The following EEF2K variants were observed in gnomAD, a reference collection of about 807,000 sequenced individuals.
EEF2K encodes eukaryotic elongation factor 2 kinase, also known as alternative protein EEF2K.
EEF2K carries 70 observed loss-of-function variants against 93.8 expected under a neutral mutation model. That is an observed-to-expected ratio of 0.75 (90% CI 0.62 to 0.91). The LOEUF is 0.91. EEF2K is among the 40% of genes least tolerant of loss of function. The pLI is 0.00. For synonymous variants in EEF2K, 376 were observed against 380.8 expected (o/e 0.99, Z 0.15); for missense variants, 935 against 972.9 (o/e 0.96, Z 0.52).
intron 3 of EEF2K, among the ~76,000 whole-genome samples, chr16:22,247,121 T>C (rs1327207860): frequency 6.7e-6 from 1 of 148,754 alleles, no homozygotes; most frequent in South Asian, 2.1e-4. Context: ...AACCCCTTTT[T>C]CCCAAAGCCA....
intron 2 of EEF2K, among the ~76,000 whole-genome samples, chr16:22,243,247 ATTTTTTT>A (rs568043657): frequency 8.4e-6 from 1 of 118,502 alleles, no homozygotes; most frequent in Non-Finnish European, 1.7e-5. Context: ...GATGCAGCCT[ATTTTTTT>A]TTTTTTTTTT....
Position 22,281,834 on chromosome 16 carries a change from A to G in EEF2K, c.2068+1458A>G, listed in dbSNP as rs572460663. Among the ~76,000 whole-genome samples, 8 of 152,356 alleles carry G rather than the reference A, an allele frequency of 5.3e-5. No homozygotes were observed. In the South Asian group the frequency reaches 1.7e-3, roughly 32 times the overall value. On this transcript the variant is annotated intron_variant, in intron 17 of 17. Coordinates refer to ENST00000263026, the MANE Select transcript of EEF2K (RefSeq NM_013302.5). ...TCATTCCTTCTTATTACTACATAAT[A>G]TTCCATTGTGTGGATATACAGCCTT...
chr16:22,262,244 G>T (rs1203023919), intron 11 of EEF2K, among the ~76,000 whole-genome samples: 1 of 152,150 alleles, frequency 6.6e-6, no homozygotes, highest in Non-Finnish European at 1.5e-5. Flanking sequence ...AGGCACGGTG[G>T]CTCACGCCTG....
chr16:22,226,326 T>C (rs2047062871), intron 2 of EEF2K, among the ~76,000 whole-genome samples: 1 of 69,526 alleles, frequency 1.4e-5, no homozygotes, highest in Non-Finnish European at 2.3e-5. Flanking sequence ...GGTGCTGTTC[T>C]TTTTTTTTTT....
rs755376945 is a variant in EEF2K, at chr16:22,274,443, C to CA, written c.1889+711dup. Among the ~76,000 whole-genome samples the CA allele has an allele frequency of 9.8e-3, 683 of 69,792 alleles. 5 individuals carry two copies. Among genetic ancestry groups the CA allele is most frequent in the African/African-American group, 0.015 (285 of 18,912 alleles). 45.8% of individuals were successfully genotyped at this position (69,792 alleles called of 152,430 possible). Reference sequence around the variant, plus strand: ...TGGGGTACAGAGCAAGATTCCCTCTCAAAAAAAAAAAAAAAAAAGATAAAA... The same window carrying CA: ...TGGGGTACAGAGCAAGATTCCCTCTCAAAAAAAAAAAAAAAAAAAGATAAAA... On this transcript the variant is annotated intron_variant, in intron 16 of 17. Coordinates refer to ENST00000263026, the MANE Select transcript of EEF2K (RefSeq NM_013302.5).
chr16:22,251,353 A>G (rs2047350281), intron 6 of EEF2K, 31 bp downstream of exon 6: 8 of 1,608,482 alleles, frequency 5.0e-6, no homozygotes, highest in Non-Finnish European at 5.9e-6. Context: ...CCCCCTTTCC[A>G]TGCCAGGGCA....
chr16:22,218,733 C>T (rs2046983256), intron 1 of EEF2K, among the ~76,000 whole-genome samples: 1 of 152,044 alleles, frequency 6.6e-6, no homozygotes. Flanking sequence ...TATGCATCCC[C>T]ACTGAGGCTC....
intron 11 of EEF2K, among the ~76,000 whole-genome samples, chr16:22,261,634 G>A (rs2141676829): frequency 6.7e-6 from 1 of 149,032 alleles, no homozygotes; most frequent in South Asian, 2.1e-4. Flanking sequence ...AGGTTGCAGT[G>A]AGCAGAGGTC....
At position 22,225,697 on chromosome 16, in the gene EEF2K, A is replaced by C. The variant is rs1252694790; in HGVS notation, c.-33A>C. ...TGTCCAGTAACTCTGGCTGTGCCGG[A>C]TACTGCTTGGGTAAAACGGGCACCC... On this transcript the variant is annotated 5_prime_UTR_variant, in exon 2 of 18. Transcript: ENST00000263026. The C allele has an allele frequency of 3.7e-6, 6 of 1,608,486 alleles. No homozygotes were observed. The African/African-American group carries it at 4.0e-5, about 11-fold the overall frequency.
At chr16:22,231,652 A>C (rs1326933673) in intron 2 of EEF2K, among the ~76,000 whole-genome samples, 2 of 152,052 alleles carry the variant, frequency 1.3e-5, no homozygotes, top group Non-Finnish European at 2.9e-5. Context: ...ATAACCAGGT[A>C]ACTTCCTCTT....
At chr16:22,213,387 T>TA (rs2046933234) in intron 1 of EEF2K, among the ~76,000 whole-genome samples, 1 of 152,188 alleles carries the variant, frequency 6.6e-6, no homozygotes, top group Admixed American at 6.5e-5. Flanking sequence ...CTGTTCTGTT[T>TA]ATTTTAGGAT....
rs148717671 is a variant in EEF2K, at chr16:22,285,814, G to T, written c.*1818G>T. 1 of 152,470 alleles carries T rather than the reference G, an allele frequency of 6.6e-6. No individual in the cohort carries two copies. The highest frequency in any genetic ancestry group is 1.9e-4 in the East Asian group (1 of 5,188). 9.4% of individuals were successfully genotyped at this position (152,470 alleles called of 1,614,324 possible). ...ATGGGTCCTTCAACACCTTAGTGGG[G>T]TTTGTTGTTGTTGCTTATGCAGAGA... On this transcript the variant is annotated 3_prime_UTR_variant, in exon 18 of 18. Transcript: ENST00000263026.
intron 2 of EEF2K, among the ~76,000 whole-genome samples, chr16:22,233,047 T>TGGC (rs2047131551): frequency 6.6e-6 from 1 of 152,212 alleles, no homozygotes; most frequent in South Asian, 2.1e-4. Context: ...CGTGGAGACG[T>TGGC]GGCAGAACCA....
At chr16:22,208,728 G>A (rs1341791284) in intron 1 of EEF2K, among the ~76,000 whole-genome samples, 2 of 142,628 alleles carry the variant, frequency 1.4e-5, no homozygotes, top group Admixed American at 6.8e-5. Context: ...GGTGAAACCC[G>A]GTCTCTATTT....
At chr16:22,226,116 T>G (rs2047061315) in intron 2 of EEF2K, 141 bp downstream of exon 2, 1 of 1,263,780 alleles carries the variant, frequency 7.9e-7, no homozygotes, top group South Asian at 1.5e-5. Context: ...ATATACTTGT[T>G]AAGCAGGGAG....
At chr16:22,264,988 C>G (rs2141679178) in intron 13 of EEF2K, 108 bp downstream of exon 13, 3 of 1,343,362 alleles carry the variant, frequency 2.2e-6, no homozygotes, top group African/African-American at 1.4e-5. Context: ...CTGTCTTGCA[C>G]ATGTGCTAAA....
At chr16:22,258,807 A>T in intron 10 of EEF2K, 112 bp downstream of exon 10, 1 of 1,428,988 alleles carries the variant, frequency 7.0e-7, no homozygotes, top group Non-Finnish European at 9.6e-7. Flanking sequence ...GAAAAGGTTC[A>T]TGGCCCCAGT....
intron 16 of EEF2K, among the ~76,000 whole-genome samples, chr16:22,276,670 CAT>C (rs1415905034): frequency 6.6e-6 from 1 of 152,158 alleles, no homozygotes; most frequent in Non-Finnish European, 1.5e-5. Context: ...AGGCCTTTCC[CAT>C]ATGTTTTCAG....
chr16:22,253,750 G>T (rs1567278198), intron 6 of EEF2K, among the ~76,000 whole-genome samples: 1 of 151,856 alleles, frequency 6.6e-6, no homozygotes, highest in African/African-American at 2.4e-5. Context: ...TAAAGGCAGA[G>T]ATTTTATTTT....
Sources: gnomAD v4.1 joint callset for allele counts (sites outside exome capture counted in the v4.1 genomes callset) on GRCh38, gnomAD v4.1.1 for gene constraint, MANE v1.5 for transcripts, NCBI Gene and HGNC (gene_info 2026-07-23, HGNC 2026-07-21) for gene names.